FRMD4B: variants seen among roughly 807,000 people sequenced by gnomAD.
The protein encoded by FRMD4B is FERM domain containing 4B.
Under a neutral mutation model 141.5 loss-of-function variants are expected in FRMD4B, and 74 were observed. That is an observed-to-expected ratio of 0.52 (90% CI 0.43 to 0.63). FRMD4B has a LOEUF of 0.63. Ranked by LOEUF, FRMD4B falls within the 30% of genes least tolerant of loss-of-function variation. FRMD4B has a pLI of 0.00. For missense variants in FRMD4B, 1,366 were observed against 1,253.4 expected (o/e 1.09, Z -1.36); for synonymous variants, 506 against 467.9 (o/e 1.08, Z -1.05).
intron 1 of FRMD4B, among the ~76,000 whole-genome samples, chr3:69,341,120 AG>A (rs1421384198): frequency 6.6e-6 from 1 of 152,220 alleles, no homozygotes; most frequent in African/African-American, 2.4e-5. Flanking sequence ...TTTAAAAAGA[AG>A]GAAAAAAGAA....
chr3:69,528,436 C>T (rs1313226308), intron 1 of FRMD4B, among the ~76,000 whole-genome samples: 1 of 151,962 alleles, frequency 6.6e-6, no homozygotes. Context: ...GCAATCCTGG[C>T]TTACTGCAGC....
intron 11 of FRMD4B, among the ~76,000 whole-genome samples, chr3:69,213,170 A>G (rs1283882050): frequency 1.3e-5 from 2 of 152,202 alleles, no homozygotes. Flanking sequence ...CACTGTATAT[A>G]TTAGATTTCT....
At chr3:69,373,344 G>A (rs1187962724) in intron 1 of FRMD4B, among the ~76,000 whole-genome samples, 2 of 152,150 alleles carry the variant, frequency 1.3e-5, no homozygotes, top group African/African-American at 4.8e-5. Context: ...CTGACTTTAG[G>A]TAAGTGGCAA....
chr3:69,471,324 CTGATCATGAAGGGTGATCATAAGGATTAA>C (rs766584897), intron 1 of FRMD4B: 119 of 171,524 alleles, frequency 6.9e-4, no homozygotes, highest in Non-Finnish European at 1.3e-3. Flanking sequence ...ATAGTAAACA[CTGATCATGAAGGGTGATCATAAGGATTAA>C]TGAGATAAGG....
At chr3:69,542,027 T>G (rs577942872) in intron 1 of FRMD4B, among the ~76,000 whole-genome samples, 2 of 152,214 alleles carry the variant, frequency 1.3e-5, no homozygotes, top group African/African-American at 4.8e-5. Flanking sequence ...GAGGCTGCAC[T>G]AGACCTCGAG....
In FRMD4B at chr3:69,248,764, TG is replaced by T. The variant is rs2093442074; in HGVS notation, c.581+461del. Among the ~76,000 whole-genome samples, 3 of 152,270 alleles carry T rather than the reference TG, an allele frequency of 2.0e-5. No individual in the cohort carries two copies. In the South Asian group the frequency reaches 6.2e-4, roughly 31 times the overall value. ...AGTGTCTCCGCAGCAACAATACAAC[TG>T]TTAGGTCAAGTGTATGAAGGGTGAG... is the stretch of plus-strand genomic sequence containing the variant. On this transcript the variant is annotated intron_variant, in intron 7 of 22. Transcript: ENST00000398540.
chr3:69,310,140 G>A (rs896501844), intron 3 of FRMD4B, among the ~76,000 whole-genome samples: 5 of 152,152 alleles, frequency 3.3e-5, no homozygotes, highest in African/African-American at 9.7e-5. Context: ...CCAGAATCAA[G>A]TTTTCAGGTT....
At chr3:69,257,883 A>G (rs1357701013) in intron 5 of FRMD4B, among the ~76,000 whole-genome samples, 2 of 151,954 alleles carry the variant, frequency 1.3e-5, no homozygotes, top group African/African-American at 4.8e-5. Flanking sequence ...CTGGAGTGCA[A>G]TGGTGCGATC....
rs35249702 is a variant in FRMD4B, at chr3:69,434,621, A to G, written c.-128-1860T>C. The stretch of plus-strand genomic sequence containing the variant: ...CATCATGGGAATCTATTCTACAACT[A>G]TTAACATGCAGGAGGGATATGTTTT... On this transcript the variant is annotated intron_variant, in intron 1 of 5. Coordinates refer to the FRMD4B transcript ENST00000459638. Among the ~76,000 whole-genome samples the G allele has an allele frequency of 3.5e-3, 530 of 152,354 alleles. 4 individuals are homozygous for G. Among genetic ancestry groups the G allele is most frequent in the African/African-American group, 0.012 (511 of 41,596 alleles).
chr3:69,450,124 T>TTA lies in FRMD4B; in HGVS notation c.-128-17364_-128-17363insTA, dbSNP rs1230278055. On this transcript the variant is annotated intron_variant, in intron 1 of 5. Coordinates refer to the FRMD4B transcript ENST00000459638. Reference sequence around the variant, plus strand: ...GTTGTGAGAATGAGGTGAGATGAAATTTGTAAAGCATCTCATACAATGCCT... The same window carrying TTA: ...GTTGTGAGAATGAGGTGAGATGAAATTATTGTAAAGCATCTCATACAATGCCT... Among the ~76,000 whole-genome samples the TTA allele has an allele frequency of 5.7e-3, 864 of 152,318 alleles. 9 individuals carry two copies. Among genetic ancestry groups the TTA allele is most frequent in the African/African-American group, 0.02 (816 of 41,572 alleles).
intron 2 of FRMD4B, among the ~76,000 whole-genome samples, chr3:69,417,454 CAGAT>C (rs753497027): frequency 4.9e-4 from 75 of 152,266 alleles, no homozygotes; most frequent in Non-Finnish European, 8.8e-4. Flanking sequence ...AGGCCTTTGT[CAGAT>C]AGATAGATTG....
intron 22 of FRMD4B, 128 bp downstream of exon 22, chr3:69,176,396 C>T: frequency 8.5e-6 from 6 of 708,898 alleles, no homozygotes; most frequent in Non-Finnish European, 1.5e-5. Context: ...CAGATGGCAG[C>T]TGGAGTTGGC....
rs1382116156 is a variant in FRMD4B at position 69,245,661 on chromosome 3, T to TTC, written c.581+3564_581+3565insGA. Among the ~76,000 whole-genome samples the TTC allele has an allele frequency of 2.5e-3, 200 of 81,178 alleles. 1 individual carries two copies. Among genetic ancestry groups the TTC allele is most frequent in the African/African-American group, 8.4e-3 (183 of 21,770 alleles). The allele number at this position is 81,178 out of a possible 152,430, so 53.3% of individuals were successfully genotyped here. Reference sequence around the variant, plus strand: ...TGCACCTGGCCTTGGCTGATTTTCTTTTCTTTTTTTTTTTTTTTTTGTGAC... The same window carrying TTC: ...TGCACCTGGCCTTGGCTGATTTTCTTTCTTCTTTTTTTTTTTTTTTTTGTGAC... On this transcript the variant is annotated intron_variant, in intron 7 of 22. Transcript: ENST00000398540.
chr3:69,317,778 A>T (rs1472226749), intron 1 of FRMD4B, among the ~76,000 whole-genome samples: 3 of 147,444 alleles, frequency 2.0e-5, no homozygotes, highest in Admixed American at 6.8e-5. Context: ...AAAAAAAAAA[A>T]GGAGGCAAGA....
intron 1 of FRMD4B, among the ~76,000 whole-genome samples, chr3:69,511,791 C>A (rs1396003965): frequency 2.0e-5 from 3 of 152,200 alleles, no homozygotes; most frequent in African/African-American, 4.8e-5. Context: ...TCTGAAGGCT[C>A]TCCCTGCCTA....
At chr3:69,331,657 G>A (rs537310496) in intron 1 of FRMD4B, among the ~76,000 whole-genome samples, 1 of 152,210 alleles carries the variant, frequency 6.6e-6, no homozygotes, top group Admixed American at 6.5e-5. Flanking sequence ...GTCTGAAAAT[G>A]GAGATACTAA....
chr3:69,389,057 G>A (rs1559843122), upstream of FRMD4B, among the ~76,000 whole-genome samples: 2 of 114,462 alleles, frequency 1.7e-5, no homozygotes, highest in African/African-American at 3.3e-5. Flanking sequence ...TTTTTGAAAC[G>A]TAGTCTCCCT....
chr3:69,267,591 GTGTGTATATATATATATATATATA>G (rs1216043637), intron 5 of FRMD4B, among the ~76,000 whole-genome samples: 1 of 98,160 alleles, frequency 1.0e-5, no homozygotes, highest in African/African-American at 4.4e-5. Flanking sequence ...GTGTGTGTGT[GTGTGTATATATATATATATATATA>G]TATATATATA....
Position 69,480,028 on chromosome 3 carries a change from T to C in FRMD4B, c.-128-47267A>G, listed in dbSNP as rs560345868. On this transcript the variant is annotated intron_variant, in intron 1 of 5. Transcript: ENST00000459638. Reference sequence around the variant, plus strand: ...TCCTGAGGCTTCTGCATTCTTCAAGTAGTTCTCGAGCCTTGGCTTTCAGGT... The same window carrying C: ...TCCTGAGGCTTCTGCATTCTTCAAGCAGTTCTCGAGCCTTGGCTTTCAGGT... Among the ~76,000 whole-genome samples the C allele has an allele frequency of 2.0e-5, 3 of 152,362 alleles. No individual in the cohort carries two copies. The South Asian group carries it at 6.2e-4, about 32-fold the overall frequency.
Sources: allele counts gnomAD v4.1 joint callset (sites outside exome capture counted in the v4.1 genomes callset), GRCh38; gene constraint gnomAD v4.1.1; transcripts MANE v1.5; gene names NCBI Gene and HGNC (gene_info 2026-07-23, HGNC 2026-07-21).